Variants in PATJ observed in about 807,000 individuals in gnomAD.
The protein encoded by PATJ is PATJ crumbs cell polarity complex component.
PATJ carries 190 observed loss-of-function variants against 224.9 expected under a neutral mutation model. The ratio of observed to expected loss-of-function variants is 0.84; its 90% CI spans 0.75 to 0.95. The LOEUF (loss-of-function observed/expected upper bound fraction) is 0.95, where lower values mean the gene tolerates loss of function less well. PATJ is among the 40% of genes least tolerant of loss of function. PATJ has a pLI of 0.00. For missense variants in PATJ, 2,121 were observed against 2,270.3 expected (o/e 0.93, Z 1.34); for synonymous variants, 769 against 820.3 (o/e 0.94, Z 1.07).
chr1:62,067,311 T>C (rs1222466724), intron 31 of PATJ, among the ~76,000 whole-genome samples: 2 of 151,492 alleles, frequency 1.3e-5, no homozygotes, highest in African/African-American at 4.9e-5. Context: ...GTATTTTTAG[T>C]AGAGACAGGG....
chr1:61,850,885 C>A (rs1052472021), intron 17 of PATJ, among the ~76,000 whole-genome samples: 5 of 152,202 alleles, frequency 3.3e-5, no homozygotes, highest in Admixed American at 1.3e-4. Flanking sequence ...ATGGCAAGAG[C>A]TTAGTAAGTG....
rs762502160 is a variant in PATJ, at chr1:61,814,130, C to CTTTTTT, written c.1683+5618_1683+5623dup. Among the ~76,000 whole-genome samples the CTTTTTT allele has an allele frequency of 4.7e-3, 405 of 85,810 alleles. 3 individuals carry two copies. The highest frequency in any genetic ancestry group is 6.8e-3 in the African/African-American group (143 of 21,014). The allele number at this position is 85,810 out of a possible 152,430, so 56.3% of individuals were successfully genotyped here. A position where few individuals can be genotyped will look rare whatever the true frequency, so the allele number is the denominator to read the frequency against. On this transcript the variant is annotated intron_variant, in intron 14 of 43. Coordinates refer to ENST00000642238, the MANE Select transcript of PATJ (RefSeq NM_001350145.3). ...TCACCCAAAATTACATTATTCTCTT[C>CTTTTTT]TTTTTTTTTTTTTTTTTTTTTTTGA...
At chr1:61,763,206 T>C in intron 3 of PATJ, 27 bp downstream of exon 3, 1 of 1,305,492 alleles carries the variant, frequency 7.7e-7, no homozygotes, top group Non-Finnish European at 1.0e-6. Context: ...AGTTTTACAT[T>C]AATATATTAT....
chr1:61,882,732 T>C (rs1668275727), intron 21 of PATJ, among the ~76,000 whole-genome samples: 1 of 152,148 alleles, frequency 6.6e-6, no homozygotes, highest in South Asian at 2.1e-4. Context: ...ATTACAGGCG[T>C]GCTCCACCAA....
rs779493984 is a variant in PATJ at position 61,894,265 on chromosome 1, A to AAAAAAC, written c.3132-5314_3132-5313insACAAAA. ...GCGAAACTCTATCTCATAAAAAAAA[A>AAAAAAC]AAAACACAAAAAAAAAACAGAGAAT... On this transcript the variant is annotated intron_variant, in intron 22 of 43. Coordinates refer to ENST00000642238, the MANE Select transcript of PATJ (RefSeq NM_001350145.3). 8.0e-3 allele frequency among the ~76,000 whole-genome samples: 1,050 copies of AAAAAAC among 131,290 alleles called. 35 individuals carry two copies. The East Asian group carries it at 0.082, about 10-fold the overall frequency. 86.1% of individuals were successfully genotyped at this position (131,290 alleles called of 152,430 possible). A position where few individuals can be genotyped will look rare whatever the true frequency, so the allele number is the denominator to read the frequency against.
intron 26 of PATJ, among the ~76,000 whole-genome samples, chr1:61,922,329 C>T (rs890378091): frequency 3.0e-4 from 45 of 152,222 alleles, no homozygotes; most frequent in African/African-American, 1.0e-3. Flanking sequence ...TAGATGTGAG[C>T]CACCATGCCT....
chr1:62,119,780 C>T (rs1288614838), intron 37 of PATJ, among the ~76,000 whole-genome samples: 1 of 152,122 alleles, frequency 6.6e-6, no homozygotes, highest in Non-Finnish European at 1.5e-5. Flanking sequence ...CCTGTCTCTA[C>T]TAAAAATACA....
At chr1:62,026,152 A>C (rs1266223644) in intron 29 of PATJ, among the ~76,000 whole-genome samples, 1 of 152,188 alleles carries the variant, frequency 6.6e-6, no homozygotes. Context: ...CTATTTTGGT[A>C]GTTTCTTCTA....
Position 61,855,997 on chromosome 1 carries a change from T to C in PATJ, c.2113-33T>C, listed in dbSNP as rs1663590654. On this transcript the variant is annotated intron_variant, in intron 17 of 43. Transcript: ENST00000642238. The stretch of plus-strand genomic sequence containing the variant: ...AGGCTGCATATTTATTTTCAGTGCA[T>C]GGACTCATCCTTCTTCTTTGCTCGA... The C allele has an allele frequency of 2.0e-6, 3 of 1,528,066 alleles. No homozygotes were observed. In the East Asian group the frequency reaches 6.7e-5, roughly 34 times the overall value. The allele number at this position is 1,528,066 out of a possible 1,614,324, so 94.7% of individuals were successfully genotyped here. A position where few individuals can be genotyped will look rare whatever the true frequency, so the allele number is the denominator to read the frequency against.
chr1:61,769,801 G>A (rs960470041), intron 5 of PATJ, among the ~76,000 whole-genome samples: 7 of 152,188 alleles, frequency 4.6e-5, no homozygotes, highest in African/African-American at 7.2e-5. Flanking sequence ...TGATCAGTAA[G>A]ATAGGAATAT....
chr1:61,872,748 C>T (rs1164227956), intron 20 of PATJ, among the ~76,000 whole-genome samples: 1 of 152,166 alleles, frequency 6.6e-6, no homozygotes, highest in Admixed American at 6.5e-5. Flanking sequence ...AAGGAAAATC[C>T]TCGGAGGCCC....
chr1:62,072,286 G>GT (rs561953729), intron 31 of PATJ, among the ~76,000 whole-genome samples: 59 of 151,840 alleles, frequency 3.9e-4, no homozygotes, highest in East Asian at 3.7e-3. Flanking sequence ...TGTAGCCGTG[G>GT]TTTTTTTTGT....
At chr1:62,010,600 A>G (rs1002268704) in intron 28 of PATJ, among the ~76,000 whole-genome samples, 7 of 152,198 alleles carry the variant, frequency 4.6e-5, no homozygotes, top group African/African-American at 1.7e-4. Context: ...ATATTATTGC[A>G]AATGACAGGA....
At chr1:62,020,464 G>A (rs1474972014) in intron 29 of PATJ, among the ~76,000 whole-genome samples, 2 of 152,164 alleles carry the variant, frequency 1.3e-5, no homozygotes, top group South Asian at 4.1e-4. Flanking sequence ...ATGCAATTGT[G>A]TAGTTGGGAA....
chr1:62,014,654 C>A (rs6587954), intron 28 of PATJ, among the ~76,000 whole-genome samples: 1,826 of 146,400 alleles, frequency 0.012, 39 homozygotes, highest in African/African-American at 0.043. Flanking sequence ...GCAGCCTCAA[C>A]CTTACAGGCT....
At chr1:61,747,970 T>G (rs1220910436) in intron 1 of PATJ, among the ~76,000 whole-genome samples, 1 of 152,222 alleles carries the variant, frequency 6.6e-6, no homozygotes, top group African/African-American at 2.4e-5. Flanking sequence ...TGGAGCCGCC[T>G]CCTGGGTTCA....
chr1:61,905,946 T>C (rs1037368320), intron 24 of PATJ, among the ~76,000 whole-genome samples: 1 of 152,196 alleles, frequency 6.6e-6, no homozygotes, highest in Non-Finnish European at 1.5e-5. Flanking sequence ...TCCAATACTA[T>C]GTACTTGGAT....
intron 27 of PATJ, among the ~76,000 whole-genome samples, chr1:61,945,726 T>C (rs2149361067): frequency 6.6e-6 from 1 of 152,328 alleles, no homozygotes; most frequent in East Asian, 1.9e-4. Flanking sequence ...CTAATAGACA[T>C]CTACAGAACT....
intron 38 of PATJ, among the ~76,000 whole-genome samples, chr1:62,122,133 G>C (rs990214590): frequency 3.9e-5 from 6 of 151,964 alleles, no homozygotes; most frequent in African/African-American, 1.4e-4. Context: ...GGGAGGCCAA[G>C]GCAGGCGGAT....
Sources: gnomAD v4.1 joint callset for allele counts (sites outside exome capture counted in the v4.1 genomes callset) on GRCh38, gnomAD v4.1.1 for gene constraint, MANE v1.5 for transcripts, NCBI Gene and HGNC (gene_info 2026-07-23, HGNC 2026-07-21) for gene names.